The following HS3ST4 variants were observed in gnomAD, a reference collection of about 807,000 sequenced individuals.
HS3ST4 encodes the protein heparan sulfate-glucosamine 3-sulfotransferase 4, also known as heparan sulfate glucosamine 3-O-sulfotransferase 4.
A neutral mutation model predicts 29.2 loss-of-function variants in HS3ST4; 17 were observed. The observed-to-expected ratio is 0.58, with a 90% CI of 0.40 to 0.87. HS3ST4 has a LOEUF of 0.87. Among genes scored for constraint, HS3ST4 ranks in the 40% least tolerant of loss-of-function variants. HS3ST4 has a pLI of 0.00. For missense variants in HS3ST4, 627 were observed against 634.5 expected, an observed-to-expected ratio of 0.99 and a Z score of 0.13; for synonymous variants, 314 against 285.7, an observed-to-expected ratio of 1.10 and a Z score of -1.00.
At chr16:25,873,280 A>G (rs1481384505) in intron 1 of HS3ST4, among the ~76,000 whole-genome samples, 1 of 77,628 alleles carries the variant, frequency 1.3e-5, no homozygotes, top group Non-Finnish European at 2.7e-5. Flanking sequence ...TTGTCCATTC[A>G]TCCATCCATC....
chr16:25,835,398 T>C (rs918193848), intron 1 of HS3ST4, among the ~76,000 whole-genome samples: 2 of 152,196 alleles, frequency 1.3e-5, no homozygotes, highest in Admixed American at 1.3e-4. Context: ...TTGTAGGCTC[T>C]TTTTATATTT....
chr16:25,775,918 T>C (rs1185574718), intron 1 of HS3ST4, among the ~76,000 whole-genome samples: 3 of 152,244 alleles, frequency 2.0e-5, no homozygotes, highest in Non-Finnish European at 4.4e-5. Flanking sequence ...CTGTGTTTTC[T>C]TGACAGGAAT....
intron 1 of HS3ST4, among the ~76,000 whole-genome samples, chr16:25,820,935 G>A (rs1391665106): frequency 6.6e-6 from 1 of 151,882 alleles, no homozygotes; most frequent in Non-Finnish European, 1.5e-5. Context: ...TCGAATAAGT[G>A]GAATTGATGA....
chr16:25,795,946 T>C (rs929158127), intron 1 of HS3ST4, among the ~76,000 whole-genome samples: 1 of 142,268 alleles, frequency 7.0e-6, no homozygotes, highest in Non-Finnish European at 1.5e-5. Flanking sequence ...TCAAAACTCT[T>C]TTTTTTTTAA....
At chr16:25,715,370 C>G (rs987254801) in intron 1 of HS3ST4, among the ~76,000 whole-genome samples, 3 of 148,764 alleles carry the variant, frequency 2.0e-5, no homozygotes, top group Admixed American at 1.3e-4. Flanking sequence ...AACTCAGCGC[C>G]TTTTGTGCCC....
chr16:25,828,298 T>TTCTC (rs1295270727), intron 1 of HS3ST4, among the ~76,000 whole-genome samples: 1 of 27,886 alleles, frequency 3.6e-5, no homozygotes, highest in South Asian at 1.4e-3. Flanking sequence ...CTTTCTTTCT[T>TTCTC]TCCCTCTCTC....
rs551638049 is a variant in HS3ST4 at position 25,746,216 on chromosome 16, A to G, written c.734+53065A>G. On this transcript the variant is annotated intron_variant, in intron 1 of 1. Coordinates refer to ENST00000331351, the MANE Select transcript of HS3ST4 (RefSeq NM_006040.3). Reference sequence around the variant, plus strand: ...CATGTTTAATTGAAAGTACTTGGAAAACATTTTCAAGTGAATTAATTGAGT... The same window carrying G: ...CATGTTTAATTGAAAGTACTTGGAAGACATTTTCAAGTGAATTAATTGAGT... Among the ~76,000 whole-genome samples the G allele has an allele frequency of 3.9e-5, 6 of 152,332 alleles. No individual in the cohort carries two copies. In the East Asian group the frequency reaches 9.6e-4, roughly 24 times the overall value.
At chr16:25,962,512 A>T (rs923208456) in intron 1 of HS3ST4, among the ~76,000 whole-genome samples, 1 of 152,136 alleles carries the variant, frequency 6.6e-6, no homozygotes, top group African/African-American at 2.4e-5. Flanking sequence ...TCTGTAAAAA[A>T]CAAGCCAACA....
At chr16:25,937,549 C>T (rs112806676) in intron 1 of HS3ST4, among the ~76,000 whole-genome samples, 1,718 of 152,206 alleles carry the variant, frequency 0.011, 16 homozygotes, top group Middle Eastern at 0.071. Context: ...GGAAAGCCTG[C>T]GAGTTCATGA....
chr16:26,005,537 A>C (rs1188145639), intron 1 of HS3ST4, among the ~76,000 whole-genome samples: 1 of 152,106 alleles, frequency 6.6e-6, no homozygotes, highest in Admixed American at 6.6e-5. Flanking sequence ...ACTGGAGTTG[A>C]ATTGTTTCTG....
chr16:25,993,192 A>G (rs1204605220), intron 1 of HS3ST4, among the ~76,000 whole-genome samples: 1 of 152,164 alleles, frequency 6.6e-6, no homozygotes, highest in African/African-American at 2.4e-5. Context: ...CATTGCTGTC[A>G]TGGAATGCCA....
chr16:26,107,240 A>G (rs927396438), intron 1 of HS3ST4, among the ~76,000 whole-genome samples: 6 of 151,988 alleles, frequency 3.9e-5, no homozygotes, highest in Non-Finnish European at 8.8e-5. Context: ...GAAATCGTTT[A>G]ACACAAAACT....
chr16:25,831,380 A>G (rs929616803), intron 1 of HS3ST4, among the ~76,000 whole-genome samples: 1 of 147,962 alleles, frequency 6.8e-6, no homozygotes, highest in Non-Finnish European at 1.5e-5. Context: ...TGGGCAACAT[A>G]ATGAGACCCC....
chr16:25,810,183 C>A (rs920819344), intron 1 of HS3ST4, among the ~76,000 whole-genome samples: 4 of 151,830 alleles, frequency 2.6e-5, no homozygotes, highest in African/African-American at 9.7e-5. Context: ...TTTATTTAGT[C>A]CTCTATATTT....
At chr16:25,732,562 A>G (rs759045906) in intron 1 of HS3ST4, among the ~76,000 whole-genome samples, 1 of 152,204 alleles carries the variant, frequency 6.6e-6, no homozygotes, top group Non-Finnish European at 1.5e-5. Context: ...TCTGGGTGCC[A>G]CAATGAATGG....
intron 1 of HS3ST4, among the ~76,000 whole-genome samples, chr16:25,953,651 G>T (rs1596624746): frequency 6.6e-6 from 1 of 152,240 alleles, no homozygotes; most frequent in Middle Eastern, 3.4e-3. Context: ...GTCATAAATT[G>T]GATTCCCTCT....
At chr16:25,836,296 C>T (rs1967355612) in intron 1 of HS3ST4, among the ~76,000 whole-genome samples, 1 of 152,044 alleles carries the variant, frequency 6.6e-6, no homozygotes, top group African/African-American at 2.4e-5. Flanking sequence ...GGACTGGGGG[C>T]CAGGCAGTCT....
chr16:26,035,899 A>T (rs571789387), intron 1 of HS3ST4, among the ~76,000 whole-genome samples: 1 of 152,242 alleles, frequency 6.6e-6, no homozygotes, highest in Non-Finnish European at 1.5e-5. Flanking sequence ...CCCATGACTA[A>T]TTATGTGAAC....
intron 1 of HS3ST4, among the ~76,000 whole-genome samples, chr16:26,060,108 T>C (rs1340221745): frequency 1.3e-5 from 2 of 152,198 alleles, no homozygotes; most frequent in African/African-American, 4.8e-5. Flanking sequence ...GTGATTGTTT[T>C]GATTGTTGTC....
Sources: gnomAD v4.1 joint callset for allele counts (sites outside exome capture counted in the v4.1 genomes callset) on GRCh38, gnomAD v4.1.1 for gene constraint, MANE v1.5 for transcripts, NCBI Gene and HGNC (gene_info 2026-07-23, HGNC 2026-07-21) for gene names.